Variants in ARHGAP32 observed in about 807,000 individuals in gnomAD.
The protein encoded by ARHGAP32 is Rho GTPase activating protein 32.
A neutral mutation model predicts 186.5 loss-of-function variants in ARHGAP32; 51 were observed. The ratio of observed to expected loss-of-function variants is 0.27; its 90% CI spans 0.22 to 0.35. The LOEUF is 0.35. Ranked by LOEUF, ARHGAP32 falls within the 10% of genes least tolerant of loss-of-function variation. The pLI, the probability that ARHGAP32 is intolerant of heterozygous loss-of-function variation, is 1.00. For missense variants in ARHGAP32, 2,186 were observed against 2,623.5 expected, an observed-to-expected ratio of 0.83 and a Z score of 3.64; for synonymous variants, 950 against 964.3, an observed-to-expected ratio of 0.99 and a Z score of 0.27.
At chr11:129,253,016 A>T (rs1399251311) in intron 1 of ARHGAP32, among the ~76,000 whole-genome samples, 4 of 152,230 alleles carry the variant, frequency 2.6e-5, no homozygotes, top group Non-Finnish European at 5.9e-5. Context: ...AGGCTGCAGC[A>T]ACAACTGGAG....
intron 6 of ARHGAP32, among the ~76,000 whole-genome samples, chr11:129,078,578 C>T (rs537054663): frequency 9.2e-5 from 14 of 152,238 alleles, no homozygotes; most frequent in Admixed American, 7.2e-4. Flanking sequence ...CTGCAACCTC[C>T]GCCTCCTGGG....
At chr11:129,018,058 T>C (rs1938435529) in intron 11 of ARHGAP32, among the ~76,000 whole-genome samples, 1 of 152,120 alleles carries the variant, frequency 6.6e-6, no homozygotes, top group African/African-American at 2.4e-5. Context: ...TTTATTACTA[T>C]ACTTGAAGTT....
chr11:128,986,208 A>ATG (rs1945868387), intron 14 of ARHGAP32, 123 bp from the exon 15 acceptor site: 1 of 762,464 alleles, frequency 1.3e-6, no homozygotes, highest in African/African-American at 1.8e-5. Flanking sequence ...ATGGCGAGGA[A>ATG]ACACAACATT....
chr11:129,271,528 T>C (rs1945472246), intron 1 of ARHGAP32, among the ~76,000 whole-genome samples: 1 of 152,038 alleles, frequency 6.6e-6, no homozygotes, highest in East Asian at 1.9e-4. Flanking sequence ...GCCTTTGAGG[T>C]ATCCATTAGA....
At chr11:129,274,626 T>C (rs887962357) in intron 1 of ARHGAP32, among the ~76,000 whole-genome samples, 1 of 152,226 alleles carries the variant, frequency 6.6e-6, no homozygotes, top group Non-Finnish European at 1.5e-5. Flanking sequence ...TTGAGATTAA[T>C]GTTAATAAAC....
chr11:129,193,703 A>ATATATAATATATAT (rs1944345916), upstream of ARHGAP32, among the ~76,000 whole-genome samples: 2 of 48,372 alleles, frequency 4.1e-5, no homozygotes, highest in African/African-American at 1.6e-4. Flanking sequence ...ATAATATATA[A>ATATATAATATATAT]TATATATTAT....
chr11:129,069,798 T>A (rs574747599), intron 6 of ARHGAP32, among the ~76,000 whole-genome samples: 6 of 151,978 alleles, frequency 3.9e-5, no homozygotes, highest in African/African-American at 1.4e-4. Flanking sequence ...AGGAGAGAAA[T>A]GATCTGCAAT....
chr11:129,275,451 T>C (rs1945518444), intron 1 of ARHGAP32, among the ~76,000 whole-genome samples: 1 of 152,220 alleles, frequency 6.6e-6, no homozygotes, highest in Non-Finnish European at 1.5e-5. Context: ...ATATCATAGC[T>C]GGTATGTGAA....
At chr11:129,174,108 G>T (rs572067545) in intron 1 of ARHGAP32, among the ~76,000 whole-genome samples, 1 of 152,312 alleles carries the variant, frequency 6.6e-6, no homozygotes, top group South Asian at 2.1e-4. Flanking sequence ...CCAAAGCAGG[G>T]CGAGGCATTG....
chr11:129,072,348 A>C (rs1391354063), intron 6 of ARHGAP32, among the ~76,000 whole-genome samples: 2 of 152,166 alleles, frequency 1.3e-5, no homozygotes, highest in Admixed American at 6.6e-5. Flanking sequence ...GCCATACAAA[A>C]ATACATTCAT....
intron 7 of ARHGAP32, 87 bp downstream of exon 7, chr11:129,066,644 T>C (rs1015548993): frequency 5.8e-5 from 75 of 1,294,652 alleles, no homozygotes; most frequent in Non-Finnish European, 7.1e-5. Context: ...GCGTGTTCAG[T>C]ATAAGCTTTT....
At chr11:129,107,868 C>CAAAAAAAAAAAAAAAAAAAAAA (rs71057924) in intron 5 of ARHGAP32, among the ~76,000 whole-genome samples, 1 of 93,406 alleles carries the variant, frequency 1.1e-5, no homozygotes. Flanking sequence ...AACTATGTTT[C>CAAAAAAAAAAAAAAAAAAAAAA]AAAAAAAAAA....
chr11:129,053,646 T>C (rs1480303095), intron 10 of ARHGAP32, among the ~76,000 whole-genome samples: 1 of 152,208 alleles, frequency 6.6e-6, no homozygotes, highest in South Asian at 2.1e-4. Flanking sequence ...AGTTTCTTCA[T>C]CTAAAATGAG....
chr11:129,262,358 A>G (rs1322214013), intron 1 of ARHGAP32, among the ~76,000 whole-genome samples: 1 of 152,066 alleles, frequency 6.6e-6, no homozygotes, highest in Non-Finnish European at 1.5e-5. Context: ...CACCTTACAA[A>G]TAAACAGCTT....
At chr11:129,195,131 C>T (rs1018129614), upstream of ARHGAP32, among the ~76,000 whole-genome samples, 1 of 151,846 alleles carries the variant, frequency 6.6e-6, no homozygotes, top group East Asian at 1.9e-4. Flanking sequence ...ACGACACCTG[C>T]TAATTTTTGT....
chr11:129,078,583 C>A (rs1302573941), intron 6 of ARHGAP32, among the ~76,000 whole-genome samples: 1 of 152,172 alleles, frequency 6.6e-6, no homozygotes, highest in Non-Finnish European at 1.5e-5. Context: ...ACCTCCGCCT[C>A]CTGGGTCCAA....
chr11:128,992,128 C>T (rs186414561), intron 12 of ARHGAP32, among the ~76,000 whole-genome samples: 27 of 152,248 alleles, frequency 1.8e-4, no homozygotes, highest in African/African-American at 6.0e-4. Flanking sequence ...GGATTAATTT[C>T]TGGTGTTATC....
chr11:129,139,168 A>G (rs1034045567), intron 2 of ARHGAP32, among the ~76,000 whole-genome samples: 2 of 152,172 alleles, frequency 1.3e-5, no homozygotes, highest in Non-Finnish European at 2.9e-5. Context: ...TAATTTGGGA[A>G]TCTCCATATT....
intron 1 of ARHGAP32, among the ~76,000 whole-genome samples, chr11:129,214,164 T>C (rs1033497136): frequency 6.6e-6 from 1 of 151,790 alleles, no homozygotes; most frequent in African/African-American, 2.4e-5. Context: ...TATGGAGAAA[T>C]GATGATTCAA....
Sources: allele counts gnomAD v4.1 joint callset (sites outside exome capture counted in the v4.1 genomes callset), GRCh38; gene constraint gnomAD v4.1.1; transcripts MANE v1.5; gene names NCBI Gene and HGNC (gene_info 2026-07-23, HGNC 2026-07-21).